Variants in C8orf34 observed in about 807,000 individuals in gnomAD.
C8orf34 encodes chromosome 8 open reading frame 34.
C8orf34 carries 65 observed loss-of-function variants against 68.3 expected under a neutral mutation model. The observed-to-expected ratio is 0.95, with a 90% CI of 0.78 to 1.17. C8orf34 has a LOEUF of 1.17. Ranked by LOEUF, C8orf34 falls within the 50% of genes most tolerant of loss-of-function variation. The pLI, the probability that C8orf34 is intolerant of heterozygous loss-of-function variation, is 0.00. For missense variants in C8orf34, 664 were observed against 655.4 expected (o/e 1.01, Z -0.14); for synonymous variants, 244 against 241.2 (o/e 1.01, Z -0.11).
At chr8:68,378,771 T>C (rs2129620097) in intron 1 of C8orf34, among the ~76,000 whole-genome samples, 1 of 152,360 alleles carries the variant, frequency 6.6e-6, no homozygotes, top group Non-Finnish European at 1.5e-5. Context: ...TTCCTGTTAC[T>C]TGTAAGCCTG....
At chr8:68,775,226 T>C (rs1823481475) in intron 10 of C8orf34, among the ~76,000 whole-genome samples, 1 of 152,082 alleles carries the variant, frequency 6.6e-6, no homozygotes, top group South Asian at 2.1e-4. Flanking sequence ...AATGAGATAA[T>C]ATATGTGTTG....
chr8:68,483,816 T>G (rs1485830757), intron 4 of C8orf34, among the ~76,000 whole-genome samples: 1 of 152,196 alleles, frequency 6.6e-6, no homozygotes, highest in African/African-American at 2.4e-5. Context: ...CATGTCTACC[T>G]CTGACATGCC....
rs148536958 is a variant in C8orf34 at position 68,625,517 on chromosome 8, T to C, written c.1106-14859T>C. ...AAAATTCCACTTGGGGTGGCGATGC[T>C]TTGTGGCTTGAAGTGTAAGGGATGA... On this transcript the variant is annotated intron_variant, in intron 7 of 13. Transcript: ENST00000518698. 4.9e-4 allele frequency: 309 copies of C among 625,920 alleles called. 1 individual carries two copies. Among genetic ancestry groups the C allele is most frequent in the Non-Finnish European group, 7.6e-4 (259 of 342,548 alleles). 38.8% of individuals were successfully genotyped at this position (625,920 alleles called of 1,614,324 possible). A position where few individuals can be genotyped will look rare whatever the true frequency, so the allele number is the denominator to read the frequency against.
intron 7 of C8orf34, among the ~76,000 whole-genome samples, chr8:68,621,866 G>T (rs1020022316): frequency 3.9e-5 from 6 of 152,168 alleles, no homozygotes; most frequent in African/African-American, 1.4e-4. Flanking sequence ...TGTAATAAAT[G>T]ATCATATACT....
At chr8:68,655,745 G>A (rs930863790) in intron 8 of C8orf34, among the ~76,000 whole-genome samples, 1 of 152,100 alleles carries the variant, frequency 6.6e-6, no homozygotes, top group Non-Finnish European at 1.5e-5. Flanking sequence ...AACCCCATCC[G>A]TAAGTCGAGG....
At chr8:68,639,627 G>C (rs1818945424) in intron 7 of C8orf34, among the ~76,000 whole-genome samples, 1 of 152,116 alleles carries the variant, frequency 6.6e-6, no homozygotes, top group African/African-American at 2.4e-5. Flanking sequence ...AAAGCTGAGA[G>C]CAAGTAATTG....
chr8:68,354,345 C>G (rs575941072), intron 1 of C8orf34, among the ~76,000 whole-genome samples: 1 of 151,870 alleles, frequency 6.6e-6, no homozygotes, highest in Non-Finnish European at 1.5e-5. Context: ...TTCTTACAGA[C>G]TTTTTTTGTT....
chr8:68,684,044 G>A (rs1257768464), intron 8 of C8orf34, among the ~76,000 whole-genome samples: 2 of 152,152 alleles, frequency 1.3e-5, no homozygotes, highest in Non-Finnish European at 2.9e-5. Flanking sequence ...ATCCAAAGGA[G>A]GTTAAGTTTG....
chr8:68,659,873 A>G (rs757558623), intron 8 of C8orf34, among the ~76,000 whole-genome samples: 2 of 152,162 alleles, frequency 1.3e-5, no homozygotes, highest in Non-Finnish European at 2.9e-5. Context: ...TCAAAGTCTT[A>G]TAGCTGATTA....
rs182490987 is a variant in C8orf34, at chr8:68,472,732, A to G, written c.736+3912A>G. 6.9e-4 allele frequency among the ~76,000 whole-genome samples: 105 copies of G among 152,328 alleles called. 1 individual carries two copies. Among genetic ancestry groups the G allele is most frequent in the Admixed American group, 3.7e-3 (57 of 15,288 alleles). The stretch of plus-strand genomic sequence containing the variant: ...AAAGGCAAAAGGAAACGTGAAAACA[A>G]TTGGAATAAAATGTTGTATTTAACC... On this transcript the variant is annotated intron_variant, in intron 4 of 13. Coordinates refer to ENST00000518698, the MANE Select transcript of C8orf34 (RefSeq NM_052958.4).
At chr8:68,695,013 G>A (rs7829053) in intron 8 of C8orf34, among the ~76,000 whole-genome samples, 3 of 151,620 alleles carry the variant, frequency 2.0e-5, no homozygotes, top group Admixed American at 6.6e-5. Context: ...TATTTATTTC[G>A]CAGGGTTATG....
intron 6 of C8orf34, among the ~76,000 whole-genome samples, chr8:68,529,692 A>C (rs995700266): frequency 1.3e-5 from 2 of 152,190 alleles, no homozygotes; most frequent in African/African-American, 4.8e-5. Flanking sequence ...CCTGGAATAA[A>C]ATTCTAAGCT....
At chr8:68,518,970 A>G (rs1353363558) in intron 5 of C8orf34, among the ~76,000 whole-genome samples, 2 of 152,100 alleles carry the variant, frequency 1.3e-5, no homozygotes, top group African/African-American at 4.8e-5. Context: ...TTGAAAGAAC[A>G]GTGGCAATCA....
At chr8:68,358,568 C>G (rs1401273747) in intron 1 of C8orf34, among the ~76,000 whole-genome samples, 2 of 152,060 alleles carry the variant, frequency 1.3e-5, no homozygotes, top group Admixed American at 6.6e-5. Context: ...TTAAAAAGAG[C>G]CTCCACTAAG....
chr8:68,554,425 A>G (rs1816186526), intron 7 of C8orf34, among the ~76,000 whole-genome samples: 1 of 152,148 alleles, frequency 6.6e-6, no homozygotes, highest in African/African-American at 2.4e-5. Flanking sequence ...CTAAACAGAG[A>G]ATCATATTTG....
intron 7 of C8orf34, among the ~76,000 whole-genome samples, chr8:68,615,695 T>C (rs1818186554): frequency 6.6e-6 from 1 of 152,242 alleles, no homozygotes; most frequent in African/African-American, 2.4e-5. Flanking sequence ...AGTTTGCCAG[T>C]ATTTTATTGA....
intron 8 of C8orf34, among the ~76,000 whole-genome samples, chr8:68,664,836 A>G (rs531429711): frequency 7.2e-5 from 11 of 152,270 alleles, no homozygotes; most frequent in Admixed American, 7.2e-4. Flanking sequence ...ATATTTCACT[A>G]CAGTTCATGA....
intron 1 of C8orf34, among the ~76,000 whole-genome samples, chr8:68,414,434 G>T (rs941286073): frequency 1.3e-5 from 2 of 152,150 alleles, no homozygotes; most frequent in Non-Finnish European, 2.9e-5. Context: ...GAAACTGCAG[G>T]TTGAGAACAA....
intron 7 of C8orf34, among the ~76,000 whole-genome samples, chr8:68,564,307 T>C (rs942486253): frequency 6.6e-6 from 1 of 152,204 alleles, no homozygotes. Context: ...AAAATATAGT[T>C]GATCATTGTA....
Sources: allele counts gnomAD v4.1 joint callset (sites outside exome capture counted in the v4.1 genomes callset), GRCh38; gene constraint gnomAD v4.1.1; transcripts MANE v1.5; gene names NCBI Gene and HGNC (gene_info 2026-07-23, HGNC 2026-07-21).